The following PPARG variants were observed in gnomAD, a reference collection of about 807,000 sequenced individuals.
PPARG encodes the protein peroxisome proliferator activated receptor gamma.
In PPARG, 17 loss-of-function variants were observed where a neutral mutation model predicts 39.2. That is an observed-to-expected ratio of 0.43 (90% CI 0.30 to 0.65). PPARG has a LOEUF of 0.65. PPARG is among the 30% of genes least tolerant of loss of function. The pLI, the probability that PPARG is intolerant of heterozygous loss-of-function variation, is 0.13. For missense variants in PPARG, 406 were observed against 585.9 expected (o/e 0.69, Z 3.17); for synonymous variants, 223 against 215.7 (o/e 1.03, Z -0.30).
chr3:12,340,989 T>C (rs201966725), intron 2 of PPARG, among the ~76,000 whole-genome samples: 2 of 151,962 alleles, frequency 1.3e-5, no homozygotes, highest in Admixed American at 6.6e-5. Context: ...TCAAGACCAG[T>C]CTGGCCAATA....
intron 1 of PPARG, among the ~76,000 whole-genome samples, chr3:12,295,055 A>G (rs1356724460): frequency 6.6e-6 from 1 of 152,224 alleles, no homozygotes; most frequent in Admixed American, 6.5e-5. Flanking sequence ...GCAGTTAGGT[A>G]TGGGCTACCC....
intron 2 of PPARG, among the ~76,000 whole-genome samples, chr3:12,350,561 G>A (rs1201212916): frequency 6.6e-6 from 1 of 152,166 alleles, no homozygotes; most frequent in Non-Finnish European, 1.5e-5. Context: ...CCACTCATGT[G>A]ACAAGACCTG....
intron 1 of PPARG, among the ~76,000 whole-genome samples, chr3:12,300,371 C>T (rs1443113260): frequency 2.6e-5 from 4 of 152,208 alleles, no homozygotes; most frequent in Admixed American, 2.6e-4. Flanking sequence ...TGATTGAACA[C>T]AGCGCATTGC....
chr3:12,376,532 A>G (rs775687279), intron 2 of PPARG, among the ~76,000 whole-genome samples: 54 of 152,222 alleles, frequency 3.5e-4, no homozygotes, highest in Non-Finnish European at 6.8e-4. Context: ...ATGTATATAC[A>G]GAAGAGAGTT....
chr3:12,426,267 T>C (rs1312614178), intron 7 of PPARG, among the ~76,000 whole-genome samples: 1 of 152,256 alleles, frequency 6.6e-6, no homozygotes, highest in African/African-American at 2.4e-5. Context: ...GTTAACCCAC[T>C]TCAGAGCGAA....
intron 1 of PPARG, among the ~76,000 whole-genome samples, chr3:12,310,977 A>G (rs1161767746): frequency 6.6e-6 from 1 of 152,174 alleles, no homozygotes; most frequent in Non-Finnish European, 1.5e-5. Context: ...ACTGGTCAGC[A>G]GTCACAGCCA....
At chr3:12,391,089 T>G (rs2050062478) in intron 4 of PPARG, among the ~76,000 whole-genome samples, 1 of 152,216 alleles carries the variant, frequency 6.6e-6, no homozygotes, top group Non-Finnish European at 1.5e-5. Context: ...TTTCTCATTT[T>G]ATAGTTGAAA....
intron 1 of PPARG, among the ~76,000 whole-genome samples, chr3:12,310,458 CTTTTT>C (rs1204347882): frequency 1.4e-5 from 1 of 69,912 alleles, no homozygotes; most frequent in African/African-American, 5.1e-5. Flanking sequence ...TATTTGAGCC[CTTTTT>C]TTTTTTTTTT....
At chr3:12,361,093 G>C (rs921230642) in intron 2 of PPARG, among the ~76,000 whole-genome samples, 3 of 152,144 alleles carry the variant, frequency 2.0e-5, no homozygotes, top group Non-Finnish European at 4.4e-5. Context: ...TTTCACGTTA[G>C]CCATTCTGAT....
intron 2 of PPARG, among the ~76,000 whole-genome samples, chr3:12,325,009 G>A (rs984739102): frequency 1.3e-5 from 2 of 149,226 alleles, no homozygotes; most frequent in Middle Eastern, 3.3e-3. Context: ...CTTTGTGAGC[G>A]AGCGTGGTGG....
intron 7 of PPARG, among the ~76,000 whole-genome samples, chr3:12,417,902 C>CTTTTTTTTTTTTTTTTTTTTTTTTTTT (rs869086237): frequency 1.1e-4 from 7 of 65,904 alleles, no homozygotes; most frequent in South Asian, 5.7e-4. Context: ...TTTTTTTTTC[C>CTTTTTTTTTTTTTTTTTTTTTTTTTTT]TTTTTTTTTT....
chr3:12,311,286 T>C (rs183961105), intron 1 of PPARG, among the ~76,000 whole-genome samples: 55 of 152,192 alleles, frequency 3.6e-4, no homozygotes, highest in African/African-American at 1.3e-3. Context: ...CTGTTTTTTG[T>C]AGAGACAGGA....
intron 2 of PPARG, among the ~76,000 whole-genome samples, chr3:12,371,303 T>A (rs2049203341): frequency 6.6e-6 from 1 of 152,140 alleles, no homozygotes; most frequent in African/African-American, 2.4e-5. Flanking sequence ...GCTGTGCCCA[T>A]CCTTCTTCAC....
At chr3:12,409,809 A>G (rs935509364) in intron 6 of PPARG, among the ~76,000 whole-genome samples, 2 of 152,264 alleles carry the variant, frequency 1.3e-5, no homozygotes, top group South Asian at 2.1e-4. Flanking sequence ...TTACTGCTCA[A>G]TTTCACCATT....
intron 4 of PPARG, among the ~76,000 whole-genome samples, chr3:12,382,883 A>C (rs1437506196): frequency 6.6e-6 from 1 of 152,164 alleles, no homozygotes; most frequent in African/African-American, 2.4e-5. Context: ...AGGTAAGAGG[A>C]TCCCTTGATC....
chr3:12,375,963 T>G (rs944195781), intron 2 of PPARG, among the ~76,000 whole-genome samples: 2 of 151,868 alleles, frequency 1.3e-5, no homozygotes, highest in African/African-American at 4.8e-5. Context: ...TTTTTTTTTC[T>G]TTTGAGTTGG....
intron 2 of PPARG, among the ~76,000 whole-genome samples, chr3:12,354,130 A>G (rs1002119552): frequency 2.0e-5 from 3 of 152,214 alleles, no homozygotes; most frequent in Admixed American, 6.5e-5. Flanking sequence ...CTGTGGTTAC[A>G]TATCTCCAGG....
chr3:12,351,245 A>G (rs1325353665), intron 2 of PPARG, among the ~76,000 whole-genome samples: 1 of 152,224 alleles, frequency 6.6e-6, no homozygotes, highest in African/African-American at 2.4e-5. Flanking sequence ...ATAATTCTAA[A>G]TACAGTACAG....
At chr3:12,417,280 A>C (rs1176994190) in intron 7 of PPARG, 126 bp downstream of exon 7, 1 of 963,578 alleles carries the variant, frequency 1.0e-6, no homozygotes, top group Non-Finnish European at 1.6e-6. Flanking sequence ...TGATGCCATG[A>C]ATCATCACTA....
Sources: allele counts gnomAD v4.1 joint callset (sites outside exome capture counted in the v4.1 genomes callset), GRCh38; gene constraint gnomAD v4.1.1; transcripts MANE v1.5; gene names NCBI Gene and HGNC (gene_info 2026-07-23, HGNC 2026-07-21).